The following THSD7A variants were observed in gnomAD, a reference collection of about 807,000 sequenced individuals.
THSD7A encodes the protein thrombospondin type-1 domain-containing protein 7A.
THSD7A carries 96 observed loss-of-function variants against 231.3 expected under a neutral mutation model. The observed-to-expected ratio is 0.41, with a 90% CI of 0.35 to 0.49. THSD7A has a LOEUF of 0.49. Ranked by LOEUF, THSD7A falls within the 20% of genes least tolerant of loss-of-function variation. THSD7A has a pLI of 0.05. For missense variants in THSD7A, 2,290 were observed against 2,070.2 expected (o/e 1.11, Z -2.06); for synonymous variants, 940 against 743.3 (o/e 1.26, Z -4.30).
At chr7:11,537,892 C>T (rs1583928999) in intron 6 of THSD7A, among the ~76,000 whole-genome samples, 2 of 152,298 alleles carry the variant, frequency 1.3e-5, no homozygotes, top group East Asian at 3.9e-4. Context: ...CATAGGCCTT[C>T]TTCAGCATTA....
intron 9 of THSD7A, among the ~76,000 whole-genome samples, chr7:11,463,042 A>G (rs1785564263): frequency 6.6e-6 from 1 of 152,156 alleles, no homozygotes; most frequent in African/African-American, 2.4e-5. Flanking sequence ...TGTTAATAGA[A>G]TCCTCCTGAT....
intron 1 of THSD7A, among the ~76,000 whole-genome samples, chr7:11,709,108 A>T (rs1235846777): frequency 6.6e-6 from 1 of 150,736 alleles, no homozygotes; most frequent in Admixed American, 6.6e-5. Flanking sequence ...CACTAGTATA[A>T]TCTGAGCTAA....
intron 2 of THSD7A, among the ~76,000 whole-genome samples, chr7:11,623,255 A>G (rs1240745695): frequency 1.3e-5 from 2 of 152,166 alleles, no homozygotes; most frequent in Non-Finnish European, 2.9e-5. Context: ...TCCTCAGTCC[A>G]TGAGTCAGCT....
At chr7:11,400,865 G>T (rs886547814) in intron 23 of THSD7A, among the ~76,000 whole-genome samples, 1 of 152,066 alleles carries the variant, frequency 6.6e-6, no homozygotes, top group Non-Finnish European at 1.5e-5. Context: ...CAGCATTAAG[G>T]GTTGTTTGTT....
chr7:11,686,571 A>T (rs115066297), intron 1 of THSD7A, among the ~76,000 whole-genome samples: 2 of 151,994 alleles, frequency 1.3e-5, no homozygotes, highest in African/African-American at 2.4e-5. Flanking sequence ...TAGTAAAGAC[A>T]TGAAATCAAC....
chr7:11,694,481 T>C (rs531998459), intron 1 of THSD7A, among the ~76,000 whole-genome samples: 1 of 151,702 alleles, frequency 6.6e-6, no homozygotes. Flanking sequence ...ATGACCAAGA[T>C]TATTCAGACA....
intron 4 of THSD7A, among the ~76,000 whole-genome samples, chr7:11,571,709 T>C (rs1156398512): frequency 6.6e-6 from 1 of 152,218 alleles, no homozygotes; most frequent in Non-Finnish European, 1.5e-5. Context: ...TCGTTCAGTT[T>C]TTCTCAGCAA....
chr7:11,544,976 T>A (rs543326636), intron 4 of THSD7A, among the ~76,000 whole-genome samples: 68 of 152,150 alleles, frequency 4.5e-4, no homozygotes, highest in Non-Finnish European at 8.4e-4. Flanking sequence ...TTCATTGCTT[T>A]CCAGGAGCAG....
At chr7:11,669,263 A>G (rs1201039737) in intron 1 of THSD7A, among the ~76,000 whole-genome samples, 1 of 152,156 alleles carries the variant, frequency 6.6e-6, no homozygotes, top group Non-Finnish European at 1.5e-5. Context: ...CACTCCCAAC[A>G]GGAAATGTTT....
chr7:11,435,216 G>C (rs951140990), intron 13 of THSD7A, among the ~76,000 whole-genome samples: 2 of 151,948 alleles, frequency 1.3e-5, no homozygotes, highest in South Asian at 4.1e-4. Context: ...TACCAAGGGC[G>C]TTTCTTACAG....
chr7:11,592,621 A>G (rs1780208471), intron 3 of THSD7A, among the ~76,000 whole-genome samples: 1 of 152,226 alleles, frequency 6.6e-6, no homozygotes, highest in Admixed American at 6.5e-5. Flanking sequence ...TAGCAATTAA[A>G]CAAAAAGCAA....
intron 3 of THSD7A, among the ~76,000 whole-genome samples, chr7:11,591,198 T>C (rs528913333): frequency 2.0e-5 from 3 of 146,548 alleles, no homozygotes; most frequent in African/African-American, 5.1e-5. Flanking sequence ...TCCTAATGAG[T>C]GCGGATGCAT....
chr7:11,499,192 C>G (rs62438220), intron 6 of THSD7A, among the ~76,000 whole-genome samples: 10,528 of 152,310 alleles, frequency 0.069, 478 homozygotes, highest in Admixed American at 0.096. Context: ...GTGGGATCCA[C>G]ACACCCTTCA....
chr7:11,797,925 A>C (rs1784173524), intron 1 of THSD7A, among the ~76,000 whole-genome samples: 1 of 152,156 alleles, frequency 6.6e-6, no homozygotes, highest in Admixed American at 6.6e-5. Flanking sequence ...GATATCGCTT[A>C]AGAGATTAAT....
intron 1 of THSD7A, among the ~76,000 whole-genome samples, chr7:11,796,039 T>C (rs1373010164): frequency 3.9e-5 from 1 of 25,832 alleles, no homozygotes; most frequent in Admixed American, 3.5e-4. Flanking sequence ...TAGCCATATA[T>C]ATATATATAT....
chr7:11,744,701 T>C (rs1361343216), intron 1 of THSD7A, among the ~76,000 whole-genome samples: 1 of 151,368 alleles, frequency 6.6e-6, no homozygotes, highest in East Asian at 2.0e-4. Flanking sequence ...TGTTTGGTTT[T>C]GGTCCTTGTG....
intron 1 of THSD7A, among the ~76,000 whole-genome samples, chr7:11,741,270 T>G (rs755336525): frequency 1.7e-4 from 26 of 151,954 alleles, no homozygotes; most frequent in Non-Finnish European, 3.1e-4. Flanking sequence ...AGGAAAAAAC[T>G]GTTTTCAATA....
At chr7:11,605,774 T>C (rs916682672) in intron 2 of THSD7A, among the ~76,000 whole-genome samples, 3 of 152,096 alleles carry the variant, frequency 2.0e-5, no homozygotes, top group African/African-American at 7.2e-5. Flanking sequence ...CAGAGCAACT[T>C]CCAGCCCTCA....
At chr7:11,501,849 T>C (rs75519745) in intron 6 of THSD7A, among the ~76,000 whole-genome samples, 1 of 152,078 alleles carries the variant, frequency 6.6e-6, no homozygotes, top group South Asian at 2.1e-4. Context: ...CAGCAGTTTG[T>C]TTTTTTGAAA....
Sources: allele counts gnomAD v4.1 joint callset (sites outside exome capture counted in the v4.1 genomes callset), GRCh38; gene constraint gnomAD v4.1.1; transcripts MANE v1.5; gene names NCBI Gene and HGNC (gene_info 2026-07-23, HGNC 2026-07-21).